The following DCC variants were observed in gnomAD, a reference collection of about 807,000 sequenced individuals.
The protein encoded by DCC is DCC netrin 1 receptor.
In DCC, 58 loss-of-function variants were observed where a neutral mutation model predicts 172.5. That is an observed-to-expected ratio of 0.34 (90% confidence interval 0.27 to 0.42). The LOEUF (loss-of-function observed/expected upper bound fraction) is 0.42. Among genes scored for constraint, DCC ranks in the 10% least tolerant of loss-of-function variants. The pLI, the probability that DCC is intolerant of heterozygous loss-of-function variation, is 1.00. For missense variants in DCC, 1,740 were observed against 1,791.0 expected, an observed-to-expected ratio of 0.97 and a Z score of 0.51; for synonymous variants, 709 against 644.5, an observed-to-expected ratio of 1.10 and a Z score of -1.52.
chr18:53,286,283 C>A (rs1258605313), intron 12 of DCC, among the ~76,000 whole-genome samples: 1 of 152,074 alleles, frequency 6.6e-6, no homozygotes, highest in Non-Finnish European at 1.5e-5. Context: ...ATGGGAGGAA[C>A]CTGGTGGGAG....
At chr18:53,360,072 T>G (rs1489389632) in intron 15 of DCC, among the ~76,000 whole-genome samples, 4 of 152,144 alleles carry the variant, frequency 2.6e-5, no homozygotes, top group South Asian at 4.1e-4. Context: ...AATATTTATA[T>G]AGTTCATAAT....
intron 5 of DCC, among the ~76,000 whole-genome samples, chr18:52,964,448 T>G (rs1465679151): frequency 6.6e-6 from 1 of 152,140 alleles, no homozygotes; most frequent in Admixed American, 6.6e-5. Flanking sequence ...AGAAACTTTG[T>G]GATTGTGGCT....
At chr18:52,905,097 C>T (rs1337282145) in intron 2 of DCC, among the ~76,000 whole-genome samples, 1 of 152,082 alleles carries the variant, frequency 6.6e-6, no homozygotes, top group Non-Finnish European at 1.5e-5. Context: ...TTCTCTCTCA[C>T]CATGCTTATG....
At chr18:52,556,769 A>G (rs561736779) in intron 1 of DCC, among the ~76,000 whole-genome samples, 1 of 151,934 alleles carries the variant, frequency 6.6e-6, no homozygotes, top group African/African-American at 2.4e-5. Context: ...CCATAAAGGG[A>G]GTTTCCCCAG....
At chr18:52,836,843 C>T (rs2038714798) in intron 2 of DCC, among the ~76,000 whole-genome samples, 1 of 152,224 alleles carries the variant, frequency 6.6e-6, no homozygotes, top group South Asian at 2.1e-4. Context: ...AGGGTTCCAA[C>T]TCCACATTTC....
intron 8 of DCC, among the ~76,000 whole-genome samples, chr18:53,163,748 C>T (rs1015995306): frequency 6.6e-6 from 1 of 152,152 alleles, no homozygotes; most frequent in Admixed American, 6.5e-5. Flanking sequence ...AGATATCTAG[C>T]TATCCCCTCT....
At chr18:52,858,046 T>C (rs946731648) in intron 2 of DCC, among the ~76,000 whole-genome samples, 2 of 152,212 alleles carry the variant, frequency 1.3e-5, no homozygotes, top group African/African-American at 4.8e-5. Context: ...TGGAACCTCA[T>C]CCTGATTTTC....
At chr18:53,152,271 C>G (rs2054653408) in intron 7 of DCC, among the ~76,000 whole-genome samples, 1 of 151,988 alleles carries the variant, frequency 6.6e-6, no homozygotes, top group African/African-American at 2.4e-5. Context: ...TATGAGTACC[C>G]CTTATCTTTC....
At chr18:52,785,667 C>T (rs1177453445) in intron 2 of DCC, among the ~76,000 whole-genome samples, 1 of 152,070 alleles carries the variant, frequency 6.6e-6, no homozygotes, top group Non-Finnish European at 1.5e-5. Context: ...GGTTGTGATA[C>T]TGGTTTGCCT....
intron 1 of DCC, among the ~76,000 whole-genome samples, chr18:52,746,558 T>C (rs956376809): frequency 6.6e-6 from 1 of 152,178 alleles, no homozygotes; most frequent in Admixed American, 6.5e-5. Flanking sequence ...AAAAACCTCA[T>C]TTTAAGTTAG....
intron 21 of DCC, among the ~76,000 whole-genome samples, chr18:53,433,609 A>G (rs147329899): frequency 7.8e-4 from 119 of 152,306 alleles, no homozygotes; most frequent in African/African-American, 2.6e-3. Context: ...TGATCTCACG[A>G]TGTCTCGTGG....
At chr18:52,715,913 T>TCTGAGTTCTGTGAACTCAGGTTAGGC (rs138703630) in intron 1 of DCC, among the ~76,000 whole-genome samples, 5,122 of 151,968 alleles carry the variant, frequency 0.034, 140 homozygotes, top group East Asian at 0.079. Flanking sequence ...TCTCCTTCTA[T>TCTGAGTTCTGTGAACTCAGGTTAGGC]CTGAGTTCTG....
intron 5 of DCC, among the ~76,000 whole-genome samples, chr18:52,928,623 A>G (rs1598940144): frequency 6.6e-6 from 1 of 152,178 alleles, no homozygotes; most frequent in East Asian, 1.9e-4. Context: ...TAGAAACAGC[A>G]TTTACTGAGT....
intron 1 of DCC, among the ~76,000 whole-genome samples, chr18:52,417,536 C>T (rs1987082735): frequency 6.6e-6 from 1 of 152,172 alleles, no homozygotes. Flanking sequence ...GGTCTTTTCA[C>T]ATAGTCCCAT....
intron 2 of DCC, among the ~76,000 whole-genome samples, chr18:52,840,214 A>T (rs2038780725): frequency 6.6e-6 from 1 of 152,152 alleles, no homozygotes; most frequent in Admixed American, 6.5e-5. Context: ...TGTTCCCCAG[A>T]AGCTTTCTTG....
At chr18:53,529,674 A>T (rs1414335479) in intron 28 of DCC, among the ~76,000 whole-genome samples, 2 of 152,072 alleles carry the variant, frequency 1.3e-5, no homozygotes, top group Non-Finnish European at 2.9e-5. Context: ...TTCACATCTT[A>T]TTTCCCCATC....
intron 1 of DCC, among the ~76,000 whole-genome samples, chr18:52,549,440 C>T (rs1453861848): frequency 1.3e-5 from 2 of 151,984 alleles, no homozygotes; most frequent in Non-Finnish European, 2.9e-5. Flanking sequence ...ACTTTTTGCT[C>T]ATAAGCAACT....
chr18:53,250,308 C>G (rs1471584931), intron 12 of DCC, among the ~76,000 whole-genome samples: 1 of 151,846 alleles, frequency 6.6e-6, no homozygotes, highest in South Asian at 2.1e-4. Flanking sequence ...AGATTAAAAA[C>G]TAATTTAAAA....
At chr18:53,199,677 C>A (rs763348349) in intron 9 of DCC, among the ~76,000 whole-genome samples, 1 of 151,848 alleles carries the variant, frequency 6.6e-6, no homozygotes. Flanking sequence ...GAATTTCTGG[C>A]ATTTTTGTGA....
Sources: allele counts gnomAD v4.1 joint callset (sites outside exome capture counted in the v4.1 genomes callset), GRCh38; gene constraint gnomAD v4.1.1; transcripts MANE v1.5; gene names NCBI Gene and HGNC (gene_info 2026-07-23, HGNC 2026-07-21).